Variants in FNDC3B observed in about 807,000 individuals in gnomAD.
FNDC3B encodes the protein fibronectin type III domain-containing protein 3B.
A neutral mutation model predicts 151.5 loss-of-function variants in FNDC3B; 12 were observed. The observed-to-expected ratio is 0.08, with a 90% CI of 0.05 to 0.13. FNDC3B has a LOEUF of 0.13. FNDC3B is among the 10% of genes least tolerant of loss of function. The probability of loss-of-function intolerance (pLI) is 1.00; values close to 1 mark genes in which losing one functional copy is unlikely to be tolerated. For synonymous variants in FNDC3B, 528 were observed against 549.0 expected (o/e 0.96, Z 0.54); for missense variants, 1,214 against 1,505.3 (o/e 0.81, Z 3.20).
chr3:172,359,008 G>T (rs62283220), intron 22 of FNDC3B, among the ~76,000 whole-genome samples: 1 of 120,636 alleles, frequency 8.3e-6, no homozygotes, highest in Non-Finnish European at 1.9e-5. Flanking sequence ...GGTGGTGGTG[G>T]TGGTGGTGGT....
chr3:172,345,567 GA>G (rs1369280401), intron 19 of FNDC3B, among the ~76,000 whole-genome samples: 1 of 152,160 alleles, frequency 6.6e-6, no homozygotes, highest in Non-Finnish European at 1.5e-5. Context: ...GTTATGTTGA[GA>G]GGTGGTTTTT....
intron 1 of FNDC3B, among the ~76,000 whole-genome samples, chr3:172,106,367 T>C (rs978437098): frequency 5.9e-5 from 9 of 152,160 alleles, no homozygotes; most frequent in African/African-American, 2.2e-4. Flanking sequence ...ATTAGGGTGC[T>C]GGTGAAGTGG....
intron 3 of FNDC3B, among the ~76,000 whole-genome samples, chr3:172,159,678 T>C (rs192266117): frequency 3.5e-4 from 53 of 152,328 alleles, no homozygotes; most frequent in Admixed American, 9.1e-4. Context: ...CCTGGATTGA[T>C]AATGAAGTCT....
At chr3:172,090,568 A>G (rs1203158397) in intron 1 of FNDC3B, among the ~76,000 whole-genome samples, 1 of 152,196 alleles carries the variant, frequency 6.6e-6, no homozygotes, top group African/African-American at 2.4e-5. Flanking sequence ...TTCCTTGCTC[A>G]TGGAGTGGGA....
intron 7 of FNDC3B, among the ~76,000 whole-genome samples, chr3:172,288,453 C>T (rs1730136672): frequency 6.6e-6 from 1 of 152,212 alleles, no homozygotes; most frequent in East Asian, 1.9e-4. Flanking sequence ...ATGAGAAATT[C>T]AGTCAAAAGA....
In FNDC3B at chr3:172,063,651, G is replaced by A. The variant is rs151281486; in HGVS notation, c.-29+23880G>A. On this transcript the variant is annotated intron_variant, in intron 1 of 25. Transcript: ENST00000415807. The stretch of plus-strand genomic sequence containing the variant: ...CGGAGTTGGCTCAGGACATTCAGAT[G>A]CCATTATTTTAGTAATGATCACATG... Among the ~76,000 whole-genome samples the A allele has an allele frequency of 9.1e-4, 138 of 152,312 alleles. 2 individuals carry two copies. Among genetic ancestry groups the A allele is most frequent in the African/African-American group, 3.1e-3 (127 of 41,564 alleles).
At chr3:172,090,519 C>A (rs1718769061) in intron 1 of FNDC3B, among the ~76,000 whole-genome samples, 1 of 152,258 alleles carries the variant, frequency 6.6e-6, no homozygotes. Flanking sequence ...CAGAATAATC[C>A]AAGTTTCCTG....
intron 3 of FNDC3B, among the ~76,000 whole-genome samples, chr3:172,222,313 A>G (rs138003336): frequency 6.6e-6 from 1 of 152,352 alleles, no homozygotes; most frequent in African/African-American, 2.4e-5. Context: ...TGATTAGTTT[A>G]TAGCTGATCT....
chr3:172,235,896 G>C (rs529992871), intron 4 of FNDC3B, among the ~76,000 whole-genome samples: 3 of 152,204 alleles, frequency 2.0e-5, no homozygotes, highest in Admixed American at 1.3e-4. Context: ...CCATGGACCT[G>C]AGTGTGCCTG....
chr3:172,084,997 G>C (rs1483406326), intron 1 of FNDC3B, among the ~76,000 whole-genome samples: 2 of 152,160 alleles, frequency 1.3e-5, no homozygotes, highest in African/African-American at 4.8e-5. Flanking sequence ...TTAATGCATA[G>C]TGGGTTCTCC....
At chr3:172,268,090 T>C (rs560719303) in intron 6 of FNDC3B, among the ~76,000 whole-genome samples, 49 of 152,344 alleles carry the variant, frequency 3.2e-4, no homozygotes, top group African/African-American at 1.2e-3. Context: ...CTTCAGTGGG[T>C]GTTTTGCCTA....
chr3:172,248,164 C>T (rs1049706728), intron 5 of FNDC3B, among the ~76,000 whole-genome samples: 1 of 152,190 alleles, frequency 6.6e-6, no homozygotes, highest in Non-Finnish European at 1.5e-5. Context: ...ATATGATCTA[C>T]CAGTTAAAGG....
intron 3 of FNDC3B, among the ~76,000 whole-genome samples, chr3:172,192,772 C>G (rs888382119): frequency 4.0e-5 from 6 of 151,848 alleles, no homozygotes; most frequent in African/African-American, 1.5e-4. Context: ...ATTGAAGATT[C>G]TCAGATGAAG....
intron 3 of FNDC3B, among the ~76,000 whole-genome samples, chr3:172,189,887 C>A (rs1724417045): frequency 6.7e-6 from 1 of 149,748 alleles, no homozygotes; most frequent in Non-Finnish European, 1.5e-5. Flanking sequence ...GATAGGGAAC[C>A]AGTTTAATTG....
intron 11 of FNDC3B, among the ~76,000 whole-genome samples, chr3:172,318,991 G>A (rs1192098729): frequency 1.3e-5 from 2 of 151,936 alleles, no homozygotes; most frequent in Non-Finnish European, 2.9e-5. Flanking sequence ...CCCTCTTTTA[G>A]GGACCTCAGT....
chr3:172,110,219 G>A (rs1230111793), intron 1 of FNDC3B, among the ~76,000 whole-genome samples: 4 of 152,128 alleles, frequency 2.6e-5, no homozygotes, highest in African/African-American at 9.7e-5. Flanking sequence ...CCTAAATATT[G>A]TACCAGATCA....
intron 1 of FNDC3B, among the ~76,000 whole-genome samples, chr3:172,052,572 G>C (rs1021590676): frequency 6.6e-6 from 1 of 152,168 alleles, no homozygotes; most frequent in African/African-American, 2.4e-5. Flanking sequence ...TGAGGAGAAT[G>C]ACCTCAGCTA....
intron 19 of FNDC3B, 23 bp downstream of exon 19, chr3:172,344,281 T>C: frequency 6.3e-7 from 1 of 1,578,888 alleles, no homozygotes; most frequent in Non-Finnish European, 8.6e-7. Context: ...CCATACACCA[T>C]AACCAGAATC....
chr3:172,273,094 C>G (rs1232287188), intron 6 of FNDC3B, among the ~76,000 whole-genome samples: 1 of 152,132 alleles, frequency 6.6e-6, no homozygotes, highest in Admixed American at 6.5e-5. Flanking sequence ...TAGATGGCAT[C>G]ATTTAAAATT....
Sources: allele counts gnomAD v4.1 joint callset (sites outside exome capture counted in the v4.1 genomes callset), GRCh38; gene constraint gnomAD v4.1.1; transcripts MANE v1.5; gene names NCBI Gene and HGNC (gene_info 2026-07-23, HGNC 2026-07-21).